The following ADGRL3 variants were observed in gnomAD, a reference collection of about 807,000 sequenced individuals.
The protein encoded by ADGRL3 is adhesion G protein-coupled receptor L3.
A neutral mutation model predicts 153.5 loss-of-function variants in ADGRL3; 62 were observed. The ratio of observed to expected loss-of-function variants is 0.40; its 90% CI spans 0.33 to 0.50. The LOEUF is 0.50. ADGRL3 is among the 20% of genes least tolerant of loss of function. The pLI, the probability that ADGRL3 is intolerant of heterozygous loss-of-function variation, is 0.47. For missense variants in ADGRL3, 1,641 were observed against 1,859.4 expected (o/e 0.88, Z 2.16); for synonymous variants, 710 against 672.5 (o/e 1.06, Z -0.86).
chr4:61,656,668 G>A (rs1480448911), intron 5 of ADGRL3, among the ~76,000 whole-genome samples: 1 of 152,156 alleles, frequency 6.6e-6, no homozygotes, highest in Non-Finnish European at 1.5e-5. Context: ...TTGAGATGTA[G>A]CTGTTGTATG....
intron 4 of ADGRL3, among the ~76,000 whole-genome samples, chr4:61,535,126 T>C (rs1481099130): frequency 1.3e-5 from 2 of 152,044 alleles, no homozygotes; most frequent in Non-Finnish European, 2.9e-5. Context: ...GCCTAGTTTG[T>C]TGAGGGTTTT....
chr4:61,652,817 C>T (rs111884145), intron 5 of ADGRL3, among the ~76,000 whole-genome samples: 2 of 152,090 alleles, frequency 1.3e-5, no homozygotes, highest in African/African-American at 4.8e-5. Context: ...ATGCTTTAAT[C>T]AACTACTGAG....
intron 11 of ADGRL3, among the ~76,000 whole-genome samples, chr4:61,904,141 C>T (rs1411466443): frequency 6.7e-6 from 1 of 149,428 alleles, no homozygotes; most frequent in Non-Finnish European, 1.5e-5. Flanking sequence ...ACATTGAGTT[C>T]CCAGGCTCTT....
At chr4:61,715,275 A>G (rs1016358011) in intron 6 of ADGRL3, among the ~76,000 whole-genome samples, 4 of 152,190 alleles carry the variant, frequency 2.6e-5, no homozygotes, top group African/African-American at 9.7e-5. Flanking sequence ...CTAAGTGGCA[A>G]ATATCTATAA....
chr4:61,962,631 A>T (rs574051805), intron 17 of ADGRL3, among the ~76,000 whole-genome samples: 1 of 152,254 alleles, frequency 6.6e-6, no homozygotes, highest in Admixed American at 6.5e-5. Context: ...TTTGTCAAGA[A>T]CACCATGTAG....
intron 8 of ADGRL3, among the ~76,000 whole-genome samples, chr4:61,779,569 G>A (rs1031752963): frequency 8.5e-5 from 12 of 142,010 alleles, no homozygotes; most frequent in African/African-American, 2.9e-4. Context: ...AGAGGTGGAG[G>A]TTACAGTGAG....
chr4:61,726,210 G>GTTGTTTTTTTTTTTTTTTTTTTT, intron 6 of ADGRL3, among the ~76,000 whole-genome samples: 1 of 118,526 alleles, frequency 8.4e-6, no homozygotes, highest in Non-Finnish European at 1.7e-5. Context: ...TTTTTTTTTT[G>GTTGTTTTTTTTTTTTTTTTTTTT]TTTTTTGAGA....
chr4:61,523,888 A>C (rs190713684), intron 4 of ADGRL3, among the ~76,000 whole-genome samples: 26 of 152,176 alleles, frequency 1.7e-4, no homozygotes, highest in African/African-American at 6.3e-4. Flanking sequence ...ACTTTTGACT[A>C]TTGAATTTTT....
chr4:61,402,937 T>A (rs2152134566), intron 2 of ADGRL3, among the ~76,000 whole-genome samples: 1 of 152,126 alleles, frequency 6.6e-6, no homozygotes, highest in Non-Finnish European at 1.5e-5. Context: ...GTAGTTTATT[T>A]TCCTACATTT....
intron 2 of ADGRL3, among the ~76,000 whole-genome samples, chr4:61,421,791 T>TA (rs1337218893): frequency 6.6e-6 from 1 of 152,116 alleles, no homozygotes; most frequent in Non-Finnish European, 1.5e-5. Flanking sequence ...TGGATACAAT[T>TA]GATGCCCATG....
chr4:61,926,808 A>G (rs2098796184), intron 13 of ADGRL3, among the ~76,000 whole-genome samples: 1 of 152,198 alleles, frequency 6.6e-6, no homozygotes, highest in Non-Finnish European at 1.5e-5. Flanking sequence ...ACCTTAACAT[A>G]GTTTGCAACC....
At chr4:61,498,940 C>T (rs182077952) in intron 3 of ADGRL3, among the ~76,000 whole-genome samples, 127 of 152,184 alleles carry the variant, frequency 8.3e-4, no homozygotes, top group Non-Finnish European at 1.6e-3. Flanking sequence ...GTCACTCTCT[C>T]ATATGTTGAT....
intron 8 of ADGRL3, among the ~76,000 whole-genome samples, chr4:61,741,160 C>T (rs962861901): frequency 6.6e-6 from 1 of 152,114 alleles, no homozygotes; most frequent in African/African-American, 2.4e-5. Context: ...GAAACTGCCA[C>T]GTGTTTAATA....
chr4:61,286,709 T>C (rs1366111942), intron 1 of ADGRL3, among the ~76,000 whole-genome samples: 2 of 151,728 alleles, frequency 1.3e-5, no homozygotes, highest in African/African-American at 4.8e-5. Context: ...TAAATTCTTA[T>C]GTAAATTTAT....
At chr4:61,949,047 T>A (rs1294352656) in intron 17 of ADGRL3, among the ~76,000 whole-genome samples, 1 of 150,738 alleles carries the variant, frequency 6.6e-6, no homozygotes, top group Non-Finnish European at 1.5e-5. Context: ...AGCAGGTCAG[T>A]GCATCAGTAG....
chr4:61,774,834 A>G (rs1157423555), intron 8 of ADGRL3, among the ~76,000 whole-genome samples: 1 of 152,176 alleles, frequency 6.6e-6, no homozygotes, highest in Non-Finnish European at 1.5e-5. Context: ...TGGTATGTGT[A>G]CTATTTGCTG....
chr4:61,623,429 C>T (rs1163893200), intron 5 of ADGRL3, among the ~76,000 whole-genome samples: 1 of 151,980 alleles, frequency 6.6e-6, no homozygotes, highest in Non-Finnish European at 1.5e-5. Flanking sequence ...TATGTAGTCA[C>T]AGCCCTATAA....
At chr4:61,507,672 T>C (rs1312136688) in intron 3 of ADGRL3, among the ~76,000 whole-genome samples, 1 of 152,118 alleles carries the variant, frequency 6.6e-6, no homozygotes, top group East Asian at 1.9e-4. Flanking sequence ...TGTGTATGTG[T>C]TGAGAAGGGT....
rs541601798 is a variant in ADGRL3 at position 61,995,129 on chromosome 4, G to T, written c.3237-1162G>T. Among the ~76,000 whole-genome samples, 20 of 151,574 alleles carry T rather than the reference G, an allele frequency of 1.3e-4. No homozygotes were observed. In the South Asian group the frequency reaches 3.3e-3, roughly 25 times the overall value. On this transcript the variant is annotated intron_variant, in intron 19 of 26. Coordinates refer to ENST00000683033, the MANE Select transcript of ADGRL3 (RefSeq NM_001387552.1). ...ATGTTGCCTAGGCTGGTCTCAAACTGCTGGGCTCTAGTGAATCACCCTCCT... is the reference window on the plus strand; with the variant it reads ...ATGTTGCCTAGGCTGGTCTCAAACTTCTGGGCTCTAGTGAATCACCCTCCT...
Sources: gnomAD v4.1 joint callset for allele counts (sites outside exome capture counted in the v4.1 genomes callset) on GRCh38, gnomAD v4.1.1 for gene constraint, MANE v1.5 for transcripts, NCBI Gene and HGNC (gene_info 2026-07-23, HGNC 2026-07-21) for gene names.